SPIDR: variants seen among roughly 807,000 people sequenced by gnomAD.
The protein encoded by SPIDR is scaffold protein involved in DNA repair.
Under a neutral mutation model 104.6 loss-of-function variants are expected in SPIDR, and 93 were observed. The ratio of observed to expected loss-of-function variants is 0.89; its 90% CI spans 0.75 to 1.06. The LOEUF is 1.06. SPIDR is among the 50% of genes least tolerant of loss of function. The pLI is 0.00. For synonymous variants in SPIDR, 431 were observed against 416.9 expected (o/e 1.03, Z -0.41); for missense variants, 1,154 against 1,111.2 (o/e 1.04, Z -0.55).
At chr8:47,283,830 T>G (rs2038289771) in intron 2 of SPIDR, among the ~76,000 whole-genome samples, 198 bp from the exon 3 acceptor site, 1 of 152,206 alleles carries the variant, frequency 6.6e-6, no homozygotes, top group African/African-American at 2.4e-5. Flanking sequence ...GTCAGATCTC[T>G]TTAGATTCAG....
intron 7 of SPIDR, among the ~76,000 whole-genome samples, chr8:47,438,811 T>A (rs2068842033): frequency 1.3e-5 from 2 of 152,130 alleles, no homozygotes; most frequent in Non-Finnish European, 2.9e-5. Flanking sequence ...TATATGGACA[T>A]GTGTCATGGA....
intron 4 of SPIDR, 93 bp from the exon 5 acceptor site, chr8:47,293,774 G>A: frequency 7.7e-7 from 1 of 1,292,050 alleles, no homozygotes; most frequent in Non-Finnish European, 1.1e-6. Flanking sequence ...AAATTATTGA[G>A]TGACATGGAT....
intron 8 of SPIDR, among the ~76,000 whole-genome samples, chr8:47,463,544 TA>T (rs574484258): frequency 2.7e-5 from 4 of 148,644 alleles, no homozygotes; most frequent in South Asian, 2.1e-4. Flanking sequence ...ATTACCCTGT[TA>T]AAAAAAAAAT....
At chr8:47,608,704 A>G (rs963897011) in intron 10 of SPIDR, among the ~76,000 whole-genome samples, 1 of 152,136 alleles carries the variant, frequency 6.6e-6, no homozygotes, top group Non-Finnish European at 1.5e-5. Flanking sequence ...ATGACTAACA[A>G]TGTTGAGCAT....
intron 8 of SPIDR, among the ~76,000 whole-genome samples, chr8:47,536,785 C>T (rs2086989160): frequency 6.6e-6 from 1 of 152,282 alleles, no homozygotes; most frequent in South Asian, 2.1e-4. Context: ...CTGTGAAAGA[C>T]ACTGTTAAGA....
chr8:47,635,453 C>G (rs866628260), intron 10 of SPIDR, among the ~76,000 whole-genome samples: 1 of 152,132 alleles, frequency 6.6e-6, no homozygotes, highest in Non-Finnish European at 1.5e-5. Flanking sequence ...TGTTGTATGC[C>G]TGTATCAAAA....
At chr8:47,295,290 C>T (rs2040639880) in intron 5 of SPIDR, among the ~76,000 whole-genome samples, 1 of 152,076 alleles carries the variant, frequency 6.6e-6, no homozygotes, top group Non-Finnish European at 1.5e-5. Context: ...ATTTGTCCTC[C>T]TTATGAGTTG....
At chr8:47,504,975 C>A (rs937446491) in intron 8 of SPIDR, among the ~76,000 whole-genome samples, 9 of 152,190 alleles carry the variant, frequency 5.9e-5, no homozygotes, top group Admixed American at 5.9e-4. Flanking sequence ...ATGTTGCTGC[C>A]TGATCGTTTC....
At chr8:47,703,504 T>G (rs1253494159) in intron 14 of SPIDR, among the ~76,000 whole-genome samples, 1 of 152,228 alleles carries the variant, frequency 6.6e-6, no homozygotes, top group Non-Finnish European at 1.5e-5. Context: ...TCTTGGGTTG[T>G]ATGGTTTTCA....
At chr8:47,308,309 C>G (rs2043473396) in intron 5 of SPIDR, among the ~76,000 whole-genome samples, 1 of 151,600 alleles carries the variant, frequency 6.6e-6, no homozygotes, top group African/African-American at 2.4e-5. Context: ...GTGATCTGCC[C>G]ACCTCAGCCT....
At chr8:47,370,829 T>A (rs560404924) in intron 5 of SPIDR, among the ~76,000 whole-genome samples, 121 of 152,010 alleles carry the variant, frequency 8.0e-4, no homozygotes, top group African/African-American at 2.2e-3. Flanking sequence ...GAAAAAAAAA[T>A]TTTAAGTTAA....
chr8:47,646,574 C>A (rs1428403716), intron 10 of SPIDR, among the ~76,000 whole-genome samples: 2 of 152,086 alleles, frequency 1.3e-5, no homozygotes, highest in African/African-American at 4.8e-5. Context: ...ATGCAGCTCT[C>A]TATATGGCTA....
chr8:47,702,626 C>A (rs2080469888), intron 14 of SPIDR, among the ~76,000 whole-genome samples: 1 of 152,174 alleles, frequency 6.6e-6, no homozygotes, highest in African/African-American at 2.4e-5. Context: ...GCATGGACTA[C>A]ATTCTGCTAG....
intron 10 of SPIDR, among the ~76,000 whole-genome samples, chr8:47,665,609 A>G (rs1365794694): frequency 6.6e-6 from 1 of 152,242 alleles, no homozygotes; most frequent in Non-Finnish European, 1.5e-5. Flanking sequence ...TGTCATACAT[A>G]TCTGTGGAAA....
intron 8 of SPIDR, among the ~76,000 whole-genome samples, chr8:47,593,870 G>T (rs925364461): frequency 1.7e-4 from 26 of 152,136 alleles, no homozygotes; most frequent in Admixed American, 6.5e-5. Context: ...TTCTGCTGAG[G>T]GGTAGGAGGG....
chr8:47,723,204 G>GT (rs1589539421), intron 16 of SPIDR, among the ~76,000 whole-genome samples: 1 of 152,024 alleles, frequency 6.6e-6, no homozygotes. Context: ...GTTGGTTCTT[G>GT]TTTTTTGTTC....
chr8:47,464,598 C>T (rs1045462449), intron 8 of SPIDR, among the ~76,000 whole-genome samples: 3 of 152,062 alleles, frequency 2.0e-5, no homozygotes, highest in African/African-American at 7.2e-5. Flanking sequence ...CAAGCAGCAA[C>T]CTGCTCTCAC....
chr8:47,288,307 A>G (rs1326475365), intron 3 of SPIDR, among the ~76,000 whole-genome samples: 1 of 148,864 alleles, frequency 6.7e-6, no homozygotes, highest in Non-Finnish European at 1.5e-5. Flanking sequence ...TTTTTTTGAG[A>G]TAATGTCTCA....
rs371978597 is a variant in SPIDR, at chr8:47,735,301, C to T, written c.2605-6C>T. ...GCTTTAACCAGCGTGCCTTTTATCA[C>T]TGCAGAGCTACGAAGTGAAGAGTGT... On this transcript the variant is annotated splice_polypyrimidine_tract_variant and splice_region_variant and intron_variant, in intron 19 of 19. Coordinates refer to ENST00000297423, the MANE Select transcript of SPIDR (RefSeq NM_001080394.4). The T allele has an allele frequency of 3.7e-6, 6 of 1,613,874 alleles. No homozygotes were observed. Among genetic ancestry groups the T allele is most frequent in the South Asian group, 1.1e-5 (1 of 91,074 alleles).
Sources: gnomAD v4.1 joint callset for allele counts (sites outside exome capture counted in the v4.1 genomes callset) on GRCh38, gnomAD v4.1.1 for gene constraint, MANE v1.5 for transcripts, NCBI Gene and HGNC (gene_info 2026-07-23, HGNC 2026-07-21) for gene names.